The following ZNF365 variants were observed in gnomAD, a reference collection of about 807,000 sequenced individuals.
ZNF365 encodes protein ZNF365.
ZNF365 carries 22 observed loss-of-function variants against 35.0 expected under a neutral mutation model. The ratio of observed to expected loss-of-function variants is 0.63; its 90% CI spans 0.45 to 0.90. The LOEUF (loss-of-function observed/expected upper bound fraction) is 0.90. Among genes scored for constraint, ZNF365 ranks in the 40% least tolerant of loss-of-function variants. The pLI is 0.00. For missense variants in ZNF365, 448 were observed against 500.3 expected (o/e 0.90, Z 1.00); for synonymous variants, 188 against 196.2 (o/e 0.96, Z 0.35).
intron 2 of ZNF365, among the ~76,000 whole-genome samples, chr10:62,381,403 T>C (rs1839435936): frequency 6.6e-6 from 1 of 152,206 alleles, no homozygotes; most frequent in Admixed American, 6.5e-5. Flanking sequence ...GTAGCAACGC[T>C]GAACCTGGAA....
At chr10:62,468,153 T>C (rs1840975011) in intron 4 of ZNF365, among the ~76,000 whole-genome samples, 1 of 152,132 alleles carries the variant, frequency 6.6e-6, no homozygotes, top group African/African-American at 2.4e-5. Context: ...ACTACAAAAG[T>C]AATAATTCTA....
At chr10:62,432,566 C>T (rs566599361) in intron 3 of ZNF365, among the ~76,000 whole-genome samples, 61 of 152,214 alleles carry the variant, frequency 4.0e-4, no homozygotes, top group African/African-American at 1.4e-3. Flanking sequence ...TTCCTGGGTT[C>T]TTTTTCTAAG....
At chr10:62,403,429 C>T (rs981637350), downstream of ZNF365, among the ~76,000 whole-genome samples, 20 of 152,194 alleles carry the variant, frequency 1.3e-4, no homozygotes, top group Admixed American at 2.0e-4. Context: ...GAGGCCGAGG[C>T]GGGCGGATCA....
chr10:62,408,932 T>C (rs1401749753), intron 3 of ZNF365, among the ~76,000 whole-genome samples: 1 of 152,180 alleles, frequency 6.6e-6, no homozygotes, highest in African/African-American at 2.4e-5. Flanking sequence ...GATCTTCTTT[T>C]CTTGGTCTTA....
chr10:62,436,131 T>TTA (rs1317917250), intron 3 of ZNF365, among the ~76,000 whole-genome samples: 2 of 151,742 alleles, frequency 1.3e-5, no homozygotes, highest in African/African-American at 2.4e-5. Context: ...TGAGTTTCAC[T>TTA]TATATATATA....
chr10:62,426,425 C>A (rs1468796982), intron 3 of ZNF365, among the ~76,000 whole-genome samples: 1 of 152,088 alleles, frequency 6.6e-6, no homozygotes, highest in Non-Finnish European at 1.5e-5. Flanking sequence ...TATGCACAGC[C>A]CAGTTCCAGA....
At chr10:62,386,503 C>A (rs1334553074) in intron 2 of ZNF365, among the ~76,000 whole-genome samples, 2 of 152,190 alleles carry the variant, frequency 1.3e-5, no homozygotes, top group Non-Finnish European at 2.9e-5. Context: ...ACTAGCATTT[C>A]TTTGAGTGAA....
chr10:62,389,275 T>TG (rs1200728000), intron 3 of ZNF365, among the ~76,000 whole-genome samples: 1 of 8,904 alleles, frequency 1.1e-4, no homozygotes, highest in East Asian at 2.9e-3. Context: ...TCTAGGTCGA[T>TG]GGGGGGCGGG....
chr10:62,400,926 A>C lies in ZNF365; in HGVS notation c.*1137A>C, dbSNP rs551551730. ...CAATGCATGTAGGAGCCAGAATCTG[A>C]CACTGTCTTCCCCTCCTTCCCTCCC... is the stretch of plus-strand genomic sequence containing the variant. On this transcript the variant is annotated 3_prime_UTR_variant, in exon 5 of 5. Transcript: ENST00000395254. 1 of 985,528 alleles carries C rather than the reference A, an allele frequency of 1.0e-6. No individual in the cohort carries two copies. Among genetic ancestry groups the C allele is most frequent in the African/African-American group, 1.7e-5 (1 of 57,360 alleles). 61.0% of individuals were successfully genotyped at this position (985,528 alleles called of 1,614,324 possible).
chr10:62,399,067 A>G (rs1337104985), intron 4 of ZNF365, among the ~76,000 whole-genome samples: 1 of 152,204 alleles, frequency 6.6e-6, no homozygotes, highest in African/African-American at 2.4e-5. Flanking sequence ...GTGTGGTCAT[A>G]ATAACTCTAT....
At chr10:62,479,754 A>G in intron 4 of ZNF365, 1 of 700,594 alleles carries the variant, frequency 1.4e-6, no homozygotes, top group Non-Finnish European at 2.6e-6. Flanking sequence ...ATAAGTGAAG[A>G]GTTGCCAGTA....
At chr10:62,392,427 A>G (rs1364674615) in intron 3 of ZNF365, among the ~76,000 whole-genome samples, 1 of 152,210 alleles carries the variant, frequency 6.6e-6, no homozygotes, top group Non-Finnish European at 1.5e-5. Flanking sequence ...AAGGTGAGAG[A>G]TGAAGATCCA....
At chr10:62,447,620 T>C (rs1334318907) in intron 3 of ZNF365, among the ~76,000 whole-genome samples, 1 of 152,212 alleles carries the variant, frequency 6.6e-6, no homozygotes, top group African/African-American at 2.4e-5. Context: ...TTCACCCTGT[T>C]GTTCTGAAGA....
chr10:62,466,297 G>C (rs902932585), intron 4 of ZNF365, among the ~76,000 whole-genome samples: 5 of 152,174 alleles, frequency 3.3e-5, no homozygotes, highest in Non-Finnish European at 5.9e-5. Context: ...GCAGTCACTT[G>C]GGGCATGCAG....
At chr10:62,421,891 T>A (rs10733778) in intron 3 of ZNF365, among the ~76,000 whole-genome samples, 93,552 of 152,128 alleles carry the variant, frequency 0.61, 29,480 homozygotes, top group East Asian at 0.84. Context: ...TTGCTGGATC[T>A]ATAGCTGATA....
intron 3 of ZNF365, among the ~76,000 whole-genome samples, chr10:62,392,063 C>G (rs7095257): frequency 6.6e-6 from 1 of 152,092 alleles, no homozygotes; most frequent in Non-Finnish European, 1.5e-5. Context: ...TGAGAACTAT[C>G]TATTCCTGTC....
intron 2 of ZNF365, among the ~76,000 whole-genome samples, chr10:62,381,888 C>T (rs567824775): frequency 3.3e-5 from 5 of 152,294 alleles, no homozygotes; most frequent in South Asian, 4.1e-4. Context: ...TCATTTGCCT[C>T]GTTCCAGCCT....
chr10:62,444,124 C>T (rs552833444), intron 3 of ZNF365, among the ~76,000 whole-genome samples: 1 of 152,194 alleles, frequency 6.6e-6, no homozygotes, highest in African/African-American at 2.4e-5. Context: ...GCCATTTCCT[C>T]TCACTCCAGG....
chr10:62,448,767 T>G (rs148013071), intron 3 of ZNF365, among the ~76,000 whole-genome samples: 33 of 152,282 alleles, frequency 2.2e-4, no homozygotes, highest in African/African-American at 7.2e-4. Flanking sequence ...GGATCCATCA[T>G]ATATATGAAA....
Sources: gnomAD v4.1 joint callset for allele counts (sites outside exome capture counted in the v4.1 genomes callset) on GRCh38, gnomAD v4.1.1 for gene constraint, MANE v1.5 for transcripts, NCBI Gene and HGNC (gene_info 2026-07-23, HGNC 2026-07-21) for gene names.